Variants in ROBO1 observed in about 807,000 individuals in gnomAD.
ROBO1 encodes the protein roundabout homolog 1.
A neutral mutation model predicts 195.9 loss-of-function variants in ROBO1; 149 were observed. The ratio of observed to expected loss-of-function variants is 0.76; its 90% CI spans 0.67 to 0.87. The LOEUF (loss-of-function observed/expected upper bound fraction) is 0.87. Ranked by LOEUF, ROBO1 falls within the 40% of genes least tolerant of loss-of-function variation. The pLI is 0.00. For missense variants in ROBO1, 1,933 were observed against 2,068.3 expected, an observed-to-expected ratio of 0.93 and a Z score of 1.27; for synonymous variants, 816 against 733.2, an observed-to-expected ratio of 1.11 and a Z score of -1.82.
At chr3:79,749,823 G>A (rs1447642726) in intron 1 of ROBO1, among the ~76,000 whole-genome samples, 3 of 152,238 alleles carry the variant, frequency 2.0e-5, no homozygotes, top group Non-Finnish European at 4.4e-5. Context: ...TCATCACAGG[G>A]GAAGGGACCT....
chr3:79,657,888 C>T (rs188585191), intron 1 of ROBO1, among the ~76,000 whole-genome samples: 2 of 152,048 alleles, frequency 1.3e-5, no homozygotes, highest in Non-Finnish European at 2.9e-5. Context: ...TACTGATGGA[C>T]TTAGTAAGCC....
intron 2 of ROBO1, among the ~76,000 whole-genome samples, chr3:79,258,624 A>T (rs1418727268): frequency 6.6e-6 from 1 of 152,116 alleles, no homozygotes; most frequent in South Asian, 2.1e-4. Context: ...TTCAGTGTGA[A>T]TTTCCCCAGA....
At chr3:79,015,389 C>T (rs201466575) in intron 3 of ROBO1, among the ~76,000 whole-genome samples, 3 of 148,698 alleles carry the variant, frequency 2.0e-5, no homozygotes, top group Non-Finnish European at 4.5e-5. Context: ...CGCCCCCCCC[C>T]AAAAAAACAA....
intron 10 of ROBO1, among the ~76,000 whole-genome samples, chr3:78,675,343 G>T (rs534532437): frequency 6.6e-6 from 1 of 152,010 alleles, no homozygotes; most frequent in African/African-American, 2.4e-5. Context: ...CACACAGTTC[G>T]CGAGCCGAAG....
At chr3:79,301,492 T>C (rs1364225288) in intron 2 of ROBO1, among the ~76,000 whole-genome samples, 1 of 152,226 alleles carries the variant, frequency 6.6e-6, no homozygotes, top group Non-Finnish European at 1.5e-5. Context: ...TGTAACAATT[T>C]GAAATTCTAG....
At chr3:79,523,209 T>G (rs896121336) in intron 2 of ROBO1, among the ~76,000 whole-genome samples, 8 of 150,028 alleles carry the variant, frequency 5.3e-5, no homozygotes, top group Admixed American at 1.3e-4. Flanking sequence ...TAGTACATAG[T>G]GATACAGTTA....
intron 2 of ROBO1, among the ~76,000 whole-genome samples, chr3:79,570,234 G>A (rs1347178848): frequency 6.6e-6 from 1 of 151,796 alleles, no homozygotes; most frequent in African/African-American, 2.4e-5. Flanking sequence ...GTGTGCATAT[G>A]CCTGTGAAAG....
At chr3:78,740,680 G>A (rs1362955292) in intron 5 of ROBO1, among the ~76,000 whole-genome samples, 1 of 151,848 alleles carries the variant, frequency 6.6e-6, no homozygotes, top group African/African-American at 2.4e-5. Flanking sequence ...CTCCCTGTTG[G>A]TCAGGCTGGT....
chr3:78,902,142 T>TA (rs2037628712), intron 4 of ROBO1, among the ~76,000 whole-genome samples: 1 of 152,150 alleles, frequency 6.6e-6, no homozygotes, highest in African/African-American at 2.4e-5. Context: ...ATTGTAGGGG[T>TA]AAAATATCTT....
chr3:79,724,423 A>T (rs1405990554), intron 1 of ROBO1, among the ~76,000 whole-genome samples: 2 of 152,152 alleles, frequency 1.3e-5, no homozygotes, highest in East Asian at 3.9e-4. Flanking sequence ...TTCTTGAGTA[A>T]CTTGCTTCTA....
intron 2 of ROBO1, among the ~76,000 whole-genome samples, chr3:79,454,635 C>G (rs890198793): frequency 6.6e-6 from 1 of 152,094 alleles, no homozygotes; most frequent in Non-Finnish European, 1.5e-5. Flanking sequence ...CTCTTAAAAA[C>G]TAGTGCCCAA....
chr3:79,761,419 G>C (rs1025521602), intron 1 of ROBO1, among the ~76,000 whole-genome samples: 7 of 152,024 alleles, frequency 4.6e-5, no homozygotes, highest in African/African-American at 1.7e-4. Flanking sequence ...TTACCTCTTA[G>C]AAGGGAGATT....
intron 23 of ROBO1, 110 bp downstream of exon 23, chr3:78,635,663 G>C: frequency 1.1e-6 from 1 of 950,686 alleles, no homozygotes. Context: ...GAAAATCTCA[G>C]CGACAGAAGA....
intron 4 of ROBO1, among the ~76,000 whole-genome samples, chr3:78,773,848 CT>C (rs1202899034): frequency 6.6e-6 from 1 of 152,140 alleles, no homozygotes; most frequent in African/African-American, 2.4e-5. Context: ...AGTTTTAAGA[CT>C]GAATTGCTTT....
intron 4 of ROBO1, among the ~76,000 whole-genome samples, chr3:78,754,589 C>G (rs553165417): frequency 2.0e-5 from 3 of 152,262 alleles, no homozygotes; most frequent in African/African-American, 7.2e-5. Context: ...ATCCAAGACA[C>G]AGGAGGTATC....
chr3:78,904,231 T>A (rs1367115028), intron 4 of ROBO1, among the ~76,000 whole-genome samples: 2 of 152,082 alleles, frequency 1.3e-5, no homozygotes, highest in Non-Finnish European at 2.9e-5. Flanking sequence ...TCTGTCTGTA[T>A]CATACCCAAA....
intron 1 of ROBO1, among the ~76,000 whole-genome samples, chr3:79,671,305 A>G (rs1946624834): frequency 6.6e-6 from 1 of 151,874 alleles, no homozygotes; most frequent in Middle Eastern, 3.2e-3. Flanking sequence ...TTAAATAGAA[A>G]TCTTCTGCAT....
intron 3 of ROBO1, among the ~76,000 whole-genome samples, chr3:78,980,591 G>C: frequency 6.6e-6 from 1 of 152,122 alleles, no homozygotes; most frequent in African/African-American, 2.4e-5. Flanking sequence ...TCTGAAGTCT[G>C]ATATTCATTT....
intron 3 of ROBO1, among the ~76,000 whole-genome samples, chr3:78,949,828 A>AACCC (rs1198579955): frequency 6.6e-6 from 1 of 152,182 alleles, no homozygotes; most frequent in Non-Finnish European, 1.5e-5. Context: ...AAAAACAAAC[A>AACCC]ACCCCATCAA....
Sources: gnomAD v4.1 joint callset for allele counts (sites outside exome capture counted in the v4.1 genomes callset) on GRCh38, gnomAD v4.1.1 for gene constraint, MANE v1.5 for transcripts, NCBI Gene and HGNC (gene_info 2026-07-23, HGNC 2026-07-21) for gene names.